COL5A3: variants seen among roughly 807,000 people sequenced by gnomAD.
The protein encoded by COL5A3 is collagen alpha-3(V) chain.
COL5A3 carries 172 observed loss-of-function variants against 250.0 expected under a neutral mutation model. That is an observed-to-expected ratio of 0.69 (90% CI 0.61 to 0.78). The LOEUF (loss-of-function observed/expected upper bound fraction) is 0.78, where lower values mean the gene tolerates loss of function less well. Ranked by LOEUF, COL5A3 falls within the 30% of genes least tolerant of loss-of-function variation. COL5A3 has a pLI of 0.00. For synonymous variants in COL5A3, 937 were observed against 900.4 expected (o/e 1.04, Z -0.73); for missense variants, 2,340 against 2,334.4 (o/e 1.00, Z -0.05).
intron 45 of COL5A3, among the ~76,000 whole-genome samples, chr19:9,975,429 G>C (rs939795915): frequency 3.3e-5 from 5 of 152,110 alleles, no homozygotes; most frequent in African/African-American, 7.2e-5. Context: ...GTAGAGTTGA[G>C]ACTGGGGCTG....
chr19:9,974,271 G>A, intron 46 of COL5A3, 30 bp downstream of exon 46: 1 of 1,611,312 alleles, frequency 6.2e-7, no homozygotes, highest in Non-Finnish European at 8.5e-7. Flanking sequence ...GGGAGAATCA[G>A]AAGTGCCACC....
At chr19:9,985,804 C>A in intron 31 of COL5A3, 38 bp downstream of exon 31, 1 of 1,581,756 alleles carries the variant, frequency 6.3e-7, no homozygotes. Context: ...CTGAATCCTG[C>A]CCATATCCAT....
In COL5A3 at chr19:10,007,422, G is replaced by C. The variant is rs948016336; in HGVS notation, c.89-1191C>G. The stretch of plus-strand genomic sequence containing the variant: ...TTCATCCCAGCTAAGGAAAGGACTT[G>C]TCTGGCCCAACAGTTCCTAATCTAG... On this transcript the variant is annotated intron_variant, in intron 1 of 66. Coordinates refer to ENST00000264828, the MANE Select transcript of COL5A3 (RefSeq NM_015719.4). 3.9e-5 allele frequency among the ~76,000 whole-genome samples: 6 copies of C among 152,214 alleles called. No homozygotes were observed. In the East Asian group the frequency reaches 1.2e-3, roughly 29 times the overall value.
intron 41 of COL5A3, among the ~76,000 whole-genome samples, chr19:9,977,976 A>G (rs935660607): frequency 1.8e-5 from 2 of 112,884 alleles, no homozygotes; most frequent in African/African-American, 6.2e-5. Flanking sequence ...ATATATATAT[A>G]TATATATATT....
intron 31 of COL5A3, 22 bp downstream of exon 31, chr19:9,985,819 AC>A (rs1023542630): frequency 1.6e-5 from 26 of 1,600,370 alleles, no homozygotes; most frequent in Non-Finnish European, 2.0e-5. Context: ...ATCCATCTCC[AC>A]CCCCCACCCC....
At position 10,001,650 on chromosome 19, in the gene COL5A3, ACTGTCAGGGTCCAAGCTCCT is replaced by A; in HGVS notation, c.964_983del (p.Arg322TrpfsTer16). 6.2e-7 allele frequency: 1 copy of A among 1,613,796 alleles called. No homozygotes were observed. Among genetic ancestry groups the A allele is most frequent in the Non-Finnish European group, 8.5e-7 (1 of 1,179,976 alleles). On this transcript the variant is annotated frameshift_variant and splice_region_variant, in exon 8 of 67. Transcript: ENST00000264828. LOFTEE classifies it high-confidence loss of function. ...TCTCCAGGGTCCCCAGCTCGGTTCCACTGTCAGGGTCCAAGCTCCTCTGAGAACGTTAGGAAAGACCAAAG... is the reference window on the plus strand; with the variant it reads ...TCTCCAGGGTCCCCAGCTCGGTTCCACTGAGAACGTTAGGAAAGACCAAAG...
At chr19:9,960,607 A>T (rs1429677029) in intron 66 of COL5A3, 44 bp downstream of exon 66, 1 of 1,613,442 alleles carries the variant, frequency 6.2e-7, no homozygotes, top group African/African-American at 1.3e-5. Context: ...GGTGGCCGAC[A>T]TCTTGCCTCC....
intron 32 of COL5A3, 115 bp downstream of exon 32, chr19:9,981,950 A>C: frequency 2.5e-6 from 2 of 800,122 alleles, no homozygotes; most frequent in Admixed American, 3.7e-5. Context: ...TGTGCACACA[A>C]ATGTTCCAGG....
At chr19:9,987,175 T>TC (rs1182146858) in intron 27 of COL5A3, among the ~76,000 whole-genome samples, 1 of 152,160 alleles carries the variant, frequency 6.6e-6, no homozygotes, top group African/African-American at 2.4e-5. Flanking sequence ...AGCGCTTAGT[T>TC]CAAGTCTGGA....
At chr19:9,988,205 G>C (rs926030279) in intron 27 of COL5A3, among the ~76,000 whole-genome samples, 53 of 152,200 alleles carry the variant, frequency 3.5e-4, no homozygotes, top group African/African-American at 1.2e-3. Flanking sequence ...TTGCACTCTA[G>C]CCTGGGCAAC....
At chr19:10,001,138 T>A (rs1258248373) in intron 8 of COL5A3, among the ~76,000 whole-genome samples, 2 of 152,110 alleles carry the variant, frequency 1.3e-5, no homozygotes, top group African/African-American at 4.8e-5. Context: ...TAAATAATTT[T>A]TTTAAATTGT....
chr19:9,988,622 G>A (rs2087133957), intron 27 of COL5A3, among the ~76,000 whole-genome samples: 2 of 151,956 alleles, frequency 1.3e-5, no homozygotes, highest in South Asian at 4.2e-4. Flanking sequence ...CCTGAGGTCA[G>A]GAGTTCGAGA....
Position 9,994,374 on chromosome 19 carries a change from G to A in COL5A3, c.1588-568C>T, listed in dbSNP as rs958087408. On this transcript the variant is annotated intron_variant, in intron 16 of 66. Coordinates refer to ENST00000264828, the MANE Select transcript of COL5A3 (RefSeq NM_015719.4). The stretch of plus-strand genomic sequence containing the variant: ...TTTATTTGTATTTTGTGTAGAGACC[G>A]GGTTTTGCCATGTTGCACAAGCTGG... 4.6e-5 allele frequency among the ~76,000 whole-genome samples: 7 copies of A among 151,188 alleles called. No individual in the cohort carries two copies. In the East Asian group the frequency reaches 5.8e-4, roughly 13 times the overall value.
chr19:9,977,535 G>A (rs2086940047), intron 42 of COL5A3, 59 bp downstream of exon 42: 2 of 1,513,018 alleles, frequency 1.3e-6, no homozygotes, highest in Non-Finnish European at 1.8e-6. Flanking sequence ...CCATGTCCTG[G>A]GATGTGGCAG....
chr19:9,993,731 T>C (rs2087230409), intron 17 of COL5A3, 22 bp downstream of exon 17: 2 of 1,613,940 alleles, frequency 1.2e-6, no homozygotes, highest in Admixed American at 3.3e-5. Flanking sequence ...CACCAAGTCT[T>C]ATCTCAGCCC....
Position 9,979,883 on chromosome 19 carries a change from C to T in COL5A3, c.2668G>A (p.Gly890Ser), listed in dbSNP as rs2086982277. 1 of 1,573,250 alleles carries T rather than the reference C, an allele frequency of 6.4e-7. No homozygotes were observed. Among genetic ancestry groups the T allele is most frequent in the African/African-American group, 1.4e-5 (1 of 72,454 alleles). ...PGPKGPPGHQ[G>S]KDGRPGHPGQ... The stretch of plus-strand genomic sequence containing the variant: ...GGGTGCCCTGGTCGCCCATCTTTAC[C>T]TTGGTGACCCTGGGGGATGAGGTGG... Residue 890 changes from glycine (G) to serine (S), a missense_variant, in exon 37 of 67, where the codon GGT (glycine) becomes AGT (serine). By Grantham distance (56) the Gly-to-Ser change is moderately conservative. This residue lies in a region of COL5A3 where 1,179 missense variants were observed against 1,162.6 expected (regional missense o/e 1.01). Coordinates refer to ENST00000264828, the MANE Select transcript of COL5A3 (RefSeq NM_015719.4).
In COL5A3 at chr19:9,979,822, G is replaced by A. The variant is rs747146469; in HGVS notation, c.2712+17C>T. On this transcript the variant is annotated intron_variant, in intron 37 of 66. Coordinates refer to ENST00000264828, the MANE Select transcript of COL5A3 (RefSeq NM_015719.4). ...AAAAAAAAAGGATCAGGAATCAAAG[G>A]TTGAGGGGTTACTCACCAGTTCTCC... 2 of 1,577,518 alleles carry A rather than the reference G, an allele frequency of 1.3e-6. No individual in the cohort carries two copies.
Position 9,960,362 on chromosome 19 carries a change from T to C in COL5A3, c.*49A>G. On this transcript the variant is annotated 3_prime_UTR_variant, in exon 67 of 67. Coordinates refer to ENST00000264828, the MANE Select transcript of COL5A3 (RefSeq NM_015719.4). Reference sequence around the variant, plus strand: ...GTGGCTTCAAAGCCTCAGCACCAAATGCACCCCATTCTGGGGCTCCCTCAT... The same window carrying C: ...GTGGCTTCAAAGCCTCAGCACCAAACGCACCCCATTCTGGGGCTCCCTCAT... 2 of 1,610,502 alleles carry C rather than the reference T, an allele frequency of 1.2e-6. No homozygotes were observed. The highest frequency in any genetic ancestry group is 1.1e-5 in the South Asian group (1 of 90,978).
intron 48 of COL5A3, 27 bp downstream of exon 48, chr19:9,973,892 C>G: frequency 1.3e-6 from 2 of 1,591,550 alleles, no homozygotes; most frequent in South Asian, 1.1e-5. Flanking sequence ...CATCTCTGAG[C>G]CTTCCTGGCC....
Sources: gnomAD v4.1 joint callset for allele counts (sites outside exome capture counted in the v4.1 genomes callset) on GRCh38, gnomAD v4.1.1 for gene constraint, gnomAD v4.1.1 regional missense constraint, MANE v1.5 for transcripts, NCBI Gene and HGNC (gene_info 2026-07-23, HGNC 2026-07-21) for gene names.